RAD51B: variants seen among roughly 807,000 people sequenced by gnomAD.
RAD51B encodes the protein DNA repair protein RAD51 homolog 2.
Under a neutral mutation model 42.2 loss-of-function variants are expected in RAD51B, and 38 were observed. The observed-to-expected ratio is 0.90, with a 90% CI of 0.70 to 1.18. The LOEUF is 1.18. Ranked by LOEUF, RAD51B falls within the 50% of genes most tolerant of loss-of-function variation. RAD51B has a pLI of 0.00. For missense variants in RAD51B, 373 were observed against 400.7 expected (o/e 0.93, Z 0.59); for synonymous variants, 154 against 145.2 (o/e 1.06, Z -0.43).
intron 9 of RAD51B, among the ~76,000 whole-genome samples, chr14:68,439,047 A>G (rs1490602520): frequency 6.6e-6 from 1 of 152,058 alleles, no homozygotes; most frequent in African/African-American, 2.4e-5. Flanking sequence ...ACCACAGGGA[A>G]CTGACCTTTA....
At chr14:68,300,565 C>T (rs1160052246) in intron 8 of RAD51B, among the ~76,000 whole-genome samples, 1 of 152,160 alleles carries the variant, frequency 6.6e-6, no homozygotes, top group Non-Finnish European at 1.5e-5. Flanking sequence ...TCCATGCCAT[C>T]AAGCCAATAT....
At chr14:68,509,140 G>T (rs1566919541) in intron 10 of RAD51B, among the ~76,000 whole-genome samples, 1 of 152,252 alleles carries the variant, frequency 6.6e-6, no homozygotes, top group Non-Finnish European at 1.5e-5. Context: ...GGATAAAGGT[G>T]GTTTTCAAGG....
chr14:68,185,635 G>T (rs1414037482), intron 7 of RAD51B, among the ~76,000 whole-genome samples: 2 of 151,878 alleles, frequency 1.3e-5, no homozygotes, highest in Non-Finnish European at 2.9e-5. Context: ...TGACACCAGG[G>T]ACCAGTTTTG....
intron 7 of RAD51B, among the ~76,000 whole-genome samples, chr14:67,923,475 T>C (rs1177877747): frequency 1.3e-5 from 2 of 151,958 alleles, no homozygotes; most frequent in Non-Finnish European, 2.9e-5. Context: ...AATTTTGTAT[T>C]TTTAGTAGAG....
chr14:68,309,760 T>C (rs1361317934), intron 8 of RAD51B, among the ~76,000 whole-genome samples: 2 of 152,154 alleles, frequency 1.3e-5, no homozygotes, highest in African/African-American at 4.8e-5. Context: ...CAACTAATGG[T>C]AGAGGCTGGA....
rs2045436937 is a variant in RAD51B at position 67,947,532 on chromosome 14, T to C, written c.756+60328T>C. 3.9e-5 allele frequency among the ~76,000 whole-genome samples: 6 copies of C among 152,334 alleles called. No homozygotes were observed. In the South Asian group the frequency reaches 1.2e-3, roughly 32 times the overall value. On this transcript the variant is annotated intron_variant, in intron 7 of 10. Coordinates refer to ENST00000471583, the MANE Select transcript of RAD51B (RefSeq NM_133510.4). ...TTGTTGTCATCTGTCTATGTTTTCT[T>C]CTTTGTCTTTCTTTAGCTTCCAAAA...
At chr14:68,175,349 A>G (rs1178201672) in intron 7 of RAD51B, among the ~76,000 whole-genome samples, 2 of 152,212 alleles carry the variant, frequency 1.3e-5, no homozygotes, top group Non-Finnish European at 2.9e-5. Flanking sequence ...TAAGTACTGA[A>G]TGCTTCATAC....
At chr14:68,219,304 T>C (rs187660063) in intron 7 of RAD51B, among the ~76,000 whole-genome samples, 19 of 152,336 alleles carry the variant, frequency 1.2e-4, no homozygotes, top group African/African-American at 3.8e-4. Context: ...GCATTTCTTT[T>C]CTTTTATCCC....
chr14:68,331,367 C>CAATAAAAAAAAAA (rs2082344744), intron 8 of RAD51B, among the ~76,000 whole-genome samples: 1 of 32,948 alleles, frequency 3.0e-5, no homozygotes, highest in Non-Finnish European at 7.6e-5. Context: ...GACTCTGTCT[C>CAATAAAAAAAAAA]AAAAAAAAAA....
chr14:68,638,769 A>G (rs138715068), intron 10 of RAD51B, among the ~76,000 whole-genome samples: 3 of 152,276 alleles, frequency 2.0e-5, no homozygotes, highest in African/African-American at 7.2e-5. Context: ...GCACAAGCAG[A>G]GGGCTGTGAG....
At chr14:68,493,390 G>C (rs1257086769) in intron 10 of RAD51B, among the ~76,000 whole-genome samples, 1 of 151,900 alleles carries the variant, frequency 6.6e-6, no homozygotes, top group Non-Finnish European at 1.5e-5. Flanking sequence ...CTCCCTCCAA[G>C]AAAAAAACAG....
At chr14:68,249,955 G>A (rs1463729695) in intron 7 of RAD51B, among the ~76,000 whole-genome samples, 1 of 152,228 alleles carries the variant, frequency 6.6e-6, no homozygotes, top group Admixed American at 6.5e-5. Flanking sequence ...GGGGAAGGTG[G>A]TGAGACCTTC....
intron 7 of RAD51B, among the ~76,000 whole-genome samples, chr14:68,189,963 G>A (rs753189770): frequency 6.6e-6 from 1 of 152,038 alleles, no homozygotes; most frequent in African/African-American, 2.4e-5. Flanking sequence ...ACTGCACCTG[G>A]CCTCCCTTAA....
At chr14:68,504,259 C>A (rs1885124794) in intron 10 of RAD51B, among the ~76,000 whole-genome samples, 1 of 152,140 alleles carries the variant, frequency 6.6e-6, no homozygotes, top group South Asian at 2.1e-4. Flanking sequence ...ACTTCATTGA[C>A]ATATTTAGGG....
At chr14:67,946,807 C>A (rs6573802) in intron 7 of RAD51B, among the ~76,000 whole-genome samples, 9,015 of 152,272 alleles carry the variant, frequency 0.059, 621 homozygotes, top group African/African-American at 0.17. Flanking sequence ...TCTTCCCTAT[C>A]TTCTGCCATA....
intron 7 of RAD51B, among the ~76,000 whole-genome samples, chr14:68,091,495 G>C (rs1246719922): frequency 6.6e-6 from 1 of 152,206 alleles, no homozygotes; most frequent in South Asian, 2.1e-4. Flanking sequence ...CTCCATAAAT[G>C]TCTTCTTTTG....
At chr14:68,469,138 T>C (rs1254249068) in intron 10 of RAD51B, 4 of 513,532 alleles carry the variant, frequency 7.8e-6, no homozygotes, top group Admixed American at 7.8e-5. Context: ...ATATCTGGCC[T>C]GACCCTAGAG....
At chr14:67,856,988 A>G (rs1474461501) in intron 4 of RAD51B, among the ~76,000 whole-genome samples, 1 of 152,200 alleles carries the variant, frequency 6.6e-6, no homozygotes, top group African/African-American at 2.4e-5. Flanking sequence ...CAAATAACTT[A>G]GCCTATTCTG....
chr14:67,935,261 A>G (rs201117609), intron 7 of RAD51B, among the ~76,000 whole-genome samples: 4 of 152,142 alleles, frequency 2.6e-5, no homozygotes, highest in African/African-American at 9.7e-5. Flanking sequence ...TGATTAGGCA[A>G]TTACTTTGAG....
Sources: allele counts gnomAD v4.1 joint callset (sites outside exome capture counted in the v4.1 genomes callset), GRCh38; gene constraint gnomAD v4.1.1; transcripts MANE v1.5; gene names NCBI Gene and HGNC (gene_info 2026-07-23, HGNC 2026-07-21).